The following DCC variants were observed in gnomAD, a reference collection of about 807,000 sequenced individuals.
DCC encodes the protein DCC netrin 1 receptor, also known as netrin receptor DCC.
A neutral mutation model predicts 172.5 loss-of-function variants in DCC; 58 were observed. That is an observed-to-expected ratio of 0.34 (90% CI 0.27 to 0.42). DCC has a LOEUF of 0.42. Among genes scored for constraint, DCC ranks in the 10% least tolerant of loss-of-function variants. The pLI, the probability that DCC is intolerant of heterozygous loss-of-function variation, is 1.00. For synonymous variants in DCC, 709 were observed against 644.5 expected, an observed-to-expected ratio of 1.10 and a Z score of -1.52; for missense variants, 1,740 against 1,791.0, an observed-to-expected ratio of 0.97 and a Z score of 0.51.
intron 2 of DCC, among the ~76,000 whole-genome samples, chr18:52,764,158 C>A (rs1281792354): frequency 1.3e-5 from 2 of 152,102 alleles, no homozygotes; most frequent in African/African-American, 2.4e-5. Flanking sequence ...ACATTGTAAG[C>A]CAGGATTTGT....
chr18:52,363,009 C>T (rs183226323), intron 1 of DCC, among the ~76,000 whole-genome samples: 111 of 151,158 alleles, frequency 7.3e-4, no homozygotes, highest in African/African-American at 2.6e-3. Flanking sequence ...AGCGATTACC[C>T]TGCCTCAGCC....
At chr18:53,270,584 A>G (rs751197241) in intron 12 of DCC, among the ~76,000 whole-genome samples, 2 of 152,090 alleles carry the variant, frequency 1.3e-5, no homozygotes, top group African/African-American at 2.4e-5. Flanking sequence ...TTACCCTAAT[A>G]TGTTTAGAAG....
At chr18:52,764,843 T>C (rs1210332555) in intron 2 of DCC, among the ~76,000 whole-genome samples, 1 of 152,190 alleles carries the variant, frequency 6.6e-6, no homozygotes, top group Non-Finnish European at 1.5e-5. Flanking sequence ...TAGATATCAC[T>C]CCATGAACTA....
intron 1 of DCC, among the ~76,000 whole-genome samples, chr18:52,595,621 G>A (rs2033893496): frequency 6.6e-6 from 1 of 152,146 alleles, no homozygotes; most frequent in Admixed American, 6.5e-5. Context: ...TGGGGATTTA[G>A]CTTCCCTCAA....
intron 27 of DCC, among the ~76,000 whole-genome samples, chr18:53,515,496 A>G (rs1216092162): frequency 2.0e-5 from 3 of 149,206 alleles, no homozygotes; most frequent in African/African-American, 7.4e-5. Flanking sequence ...TTAGGAAAAG[A>G]GGAAGTCAAA....
chr18:53,520,377 C>CTGAT (rs937325647), intron 27 of DCC, among the ~76,000 whole-genome samples: 4 of 152,020 alleles, frequency 2.6e-5, no homozygotes, highest in Non-Finnish European at 4.4e-5. Flanking sequence ...TACCAGCAGA[C>CTGAT]TGATTATTTT....
intron 1 of DCC, among the ~76,000 whole-genome samples, chr18:52,595,727 A>G (rs939032211): frequency 3.9e-5 from 6 of 152,178 alleles, no homozygotes; most frequent in Middle Eastern, 3.2e-3. Context: ...CATTGATTCT[A>G]TCTCAGCTGG....
At chr18:52,687,945 G>A (rs553103018) in intron 1 of DCC, among the ~76,000 whole-genome samples, 1 of 152,150 alleles carries the variant, frequency 6.6e-6, no homozygotes, top group South Asian at 2.1e-4. Context: ...GTCTTTGACT[G>A]TTCTTTCTTT....
intron 1 of DCC, among the ~76,000 whole-genome samples, chr18:52,693,751 C>A (rs570738234): frequency 1.3e-5 from 2 of 152,016 alleles, no homozygotes; most frequent in South Asian, 4.2e-4. Context: ...CCAAAGGTAC[C>A]CTGGAGACAA....
chr18:52,797,887 C>T (rs940288394), intron 2 of DCC, among the ~76,000 whole-genome samples: 4 of 152,140 alleles, frequency 2.6e-5, no homozygotes, highest in Admixed American at 6.5e-5. Flanking sequence ...GTTCTCAAGC[C>T]GCATAAAACA....
Position 53,533,553 on chromosome 18 carries a change from G to A in DCC, c.*2900G>A, listed in dbSNP as rs952663572. 1 of 152,060 alleles carries A rather than the reference G, an allele frequency of 6.6e-6. No homozygotes were observed. The highest frequency in any genetic ancestry group is 6.6e-5 in the Admixed American group (1 of 15,266). 9.4% of individuals were successfully genotyped at this position (152,060 alleles called of 1,614,324 possible). ...TTTTCTCTCCTCTGCAGAAATTTCT[G>A]CATTTGTGAAACTTATAAAAATTTA... is the stretch of plus-strand genomic sequence containing the variant. On this transcript the variant is annotated 3_prime_UTR_variant, in exon 29 of 29. Coordinates refer to ENST00000442544, the MANE Select transcript of DCC (RefSeq NM_005215.4).
intron 5 of DCC, among the ~76,000 whole-genome samples, chr18:52,995,801 C>T (rs2041468219): frequency 6.6e-6 from 1 of 151,948 alleles, no homozygotes; most frequent in Non-Finnish European, 1.5e-5. Context: ...CAGTAAGTAT[C>T]AGTTAGCAAA....
chr18:52,904,234 C>A (rs984516098), intron 2 of DCC, among the ~76,000 whole-genome samples: 1 of 152,180 alleles, frequency 6.6e-6, no homozygotes, highest in African/African-American at 2.4e-5. Flanking sequence ...AAAGAACAAT[C>A]TTAATATTGC....
intron 13 of DCC, among the ~76,000 whole-genome samples, chr18:53,320,146 C>T (rs1208869570): frequency 6.9e-6 from 1 of 145,092 alleles, no homozygotes; most frequent in Non-Finnish European, 1.5e-5. Flanking sequence ...GGTCTCTGCT[C>T]ACTGCAAGCT....
At position 53,526,618 on chromosome 18, in the gene DCC, G is replaced by A. The variant is rs1209308134; in HGVS notation, c.4113G>A (p.Gly1371=). The A allele has an allele frequency of 4.3e-6, 7 of 1,613,116 alleles. No homozygotes were observed. The highest frequency in any genetic ancestry group is 5.9e-6 in the Non-Finnish European group (7 of 1,179,524). Residue 1371 remains glycine, a splice_region_variant and synonymous_variant, in exon 28 of 29, where the codon GGG becomes GGA. Coordinates refer to ENST00000442544, the MANE Select transcript of DCC (RefSeq NM_005215.4). ...TCATCACTGTGTTTTCTATTTCAGG[G>A]CCCACTCTTCCTAAGACCCATGTGA... ...VPYTPLLSQP[G]PTLPKTHVKT...
intron 5 of DCC, among the ~76,000 whole-genome samples, chr18:52,936,023 T>C (rs1177583866): frequency 2.0e-5 from 3 of 152,096 alleles, no homozygotes; most frequent in Non-Finnish European, 2.9e-5. Context: ...ACAATGTAAT[T>C]ACCAAATGAA....
intron 1 of DCC, among the ~76,000 whole-genome samples, chr18:52,569,571 A>G (rs2033245544): frequency 6.6e-6 from 1 of 152,172 alleles, no homozygotes; most frequent in South Asian, 2.1e-4. Flanking sequence ...GGGAGTCTCA[A>G]ATATATTATA....
Position 52,396,005 on chromosome 18 carries a change from T to C in DCC, c.91+55127T>C, listed in dbSNP as rs62083512. 5.0e-3 allele frequency among the ~76,000 whole-genome samples: 758 copies of C among 152,080 alleles called. 6 individuals carry two copies. The highest frequency in any genetic ancestry group is 0.034 in the Middle Eastern group (10 of 294). ...ACGTTAAGCCTCAGGCCACCCTCCC[T>C]GCTGAGTTCTAGTCAGAACTCAGAG... On this transcript the variant is annotated intron_variant, in intron 1 of 28. Transcript: ENST00000442544.
At chr18:52,972,840 T>G (rs907198371) in intron 5 of DCC, among the ~76,000 whole-genome samples, 1 of 152,232 alleles carries the variant, frequency 6.6e-6, no homozygotes, top group Non-Finnish European at 1.5e-5. Flanking sequence ...TATCCATCAC[T>G]GCTTTACATT....
Sources: allele counts gnomAD v4.1 joint callset (sites outside exome capture counted in the v4.1 genomes callset), GRCh38; gene constraint gnomAD v4.1.1; transcripts MANE v1.5; gene names NCBI Gene and HGNC (gene_info 2026-07-23, HGNC 2026-07-21).